The following THOC2 variants were observed in gnomAD, a reference collection of about 807,000 sequenced individuals.
THOC2 encodes the protein THO complex 2.
THOC2 carries 10 observed loss-of-function variants against 128.4 expected under a neutral mutation model. The observed-to-expected ratio is 0.08, with a 90% CI of 0.05 to 0.13. The LOEUF (loss-of-function observed/expected upper bound fraction) is 0.13, where lower values mean the gene tolerates loss of function less well. THOC2 is among the 10% of genes least tolerant of loss of function. The probability of loss-of-function intolerance (pLI) is 1.00; values close to 1 mark genes in which losing one functional copy is unlikely to be tolerated. For missense variants in THOC2, 535 were observed against 1,155.7 expected (o/e 0.46, Z 7.79); for synonymous variants, 393 against 396.9 (o/e 0.99, Z 0.12).
intron 33 of THOC2, among the ~76,000 whole-genome samples, chrX:123,615,648 A>G (rs2046862410): frequency 9.5e-6 from 1 of 105,730 alleles, no homozygotes; most frequent in African/African-American, 3.6e-5. Flanking sequence ...TAAAAGCAAA[A>G]AAAAAAATAC....
chrX:123,703,890 T>TAAAAAAAAAAA (rs774877149), intron 3 of THOC2, among the ~76,000 whole-genome samples: 2,355 of 36,798 alleles, frequency 0.064, 117 homozygotes, highest in East Asian at 0.21. Context: ...ACTCTGTCTT[T>TAAAAAAAAAAA]AAAAAAAAAA....
At chrX:123,647,840 CAAAAAAAAAAAA>C (rs60123342) in intron 12 of THOC2, among the ~76,000 whole-genome samples, 231 of 37,539 alleles carry the variant, frequency 6.2e-3, no homozygotes, top group Middle Eastern at 0.027. Context: ...GACTCTGTCT[CAAAAAAAAAAAA>C]AAAAAAAAAA....
At chrX:123,632,205 T>C (rs756714964) in intron 21 of THOC2, among the ~76,000 whole-genome samples, 53 of 111,246 alleles carry the variant, frequency 4.8e-4, no homozygotes, top group African/African-American at 1.3e-3. Context: ...TATTTATAAA[T>C]ATTAAGTACC....
At chrX:123,683,667 C>T (rs192812287) in intron 8 of THOC2, among the ~76,000 whole-genome samples, 14 of 108,375 alleles carry the variant, frequency 1.3e-4, no homozygotes, top group East Asian at 8.7e-4. Flanking sequence ...GGCATGATCT[C>T]GGCTCACCGC....
At chrX:123,639,059 T>TA (rs2047802509) in intron 16 of THOC2, 32 bp from the exon 17 acceptor site, 3 of 818,936 alleles carry the variant, frequency 3.7e-6, no homozygotes, top group Non-Finnish European at 5.3e-6. Context: ...TAGAAGGCAT[T>TA]AACTGATCAA....
chrX:123,730,484 AAC>A (rs1224999498), intron 1 of THOC2, among the ~76,000 whole-genome samples: 2 of 112,479 alleles, frequency 1.8e-5, no homozygotes, highest in African/African-American at 6.4e-5. Flanking sequence ...GGCTTCTAAT[AAC>A]AGTTTTTAAG....
At chrX:123,612,174 A>C (rs1340432467) in intron 36 of THOC2, among the ~76,000 whole-genome samples, 1 of 111,717 alleles carries the variant, frequency 9.0e-6, no homozygotes, top group Non-Finnish European at 1.9e-5. Flanking sequence ...ATTCTTGGGC[A>C]TATATCCAAG....
Position 123,632,870 on chromosome X carries a change from G to C in THOC2, c.2307C>G (p.Leu769=), listed in dbSNP as rs373608603. The part of the protein sequence containing the change: ...GEKHLKLVGK[L]YDQCHDTLVQ... Reference sequence around the variant, plus strand: ...AGCCACTTTAACTTGCCTGGTCATAGAGCTTTCCCACAAGTTTCAAATGTT... The same window carrying C: ...AGCCACTTTAACTTGCCTGGTCATACAGCTTTCCCACAAGTTTCAAATGTT... Residue 769 remains leucine, a synonymous_variant, in exon 21 of 39, where the codon CTC becomes CTG. Transcript: ENST00000245838. 42 of 1,205,540 alleles carry C rather than the reference G, an allele frequency of 3.5e-5. No homozygotes were observed. In the East Asian group the frequency reaches 3.6e-4, roughly 10 times the overall value.
intron 15 of THOC2, 71 bp downstream of exon 15, chrX:123,644,504 A>C (rs2048049595): frequency 2.9e-4 from 233 of 806,565 alleles, no homozygotes; most frequent in Middle Eastern, 4.6e-4. Flanking sequence ...GGCTCAGACA[A>C]GCTACCTGAA....
At position 123,624,574 on chromosome X, in the gene THOC2, G is replaced by A; in HGVS notation, c.3153C>T (p.Thr1051=). 1.7e-6 allele frequency: 2 copies of A among 1,209,073 alleles called. No individual in the cohort carries two copies. Among genetic ancestry groups the A allele is most frequent in the Non-Finnish European group, 2.2e-6 (2 of 893,790 alleles). ...RFLCCMLETV[T]RWHSDRATYE... ...ATGTGGCTCTATCACTATGCCACCTGGTCACAGTCTCTAACATGCAGCAAA... is the reference window on the plus strand; with the variant it reads ...ATGTGGCTCTATCACTATGCCACCTAGTCACAGTCTCTAACATGCAGCAAA... The change falls in exon 26 of 39, where the codon ACC becomes ACT. Residue 1051 remains threonine, a synonymous_variant. Coordinates refer to ENST00000245838, the MANE Select transcript of THOC2 (RefSeq NM_001081550.2).
At position 123,607,737 on chromosome X, in the gene THOC2, C is replaced by T. The variant is rs144707132; in HGVS notation, c.*18+3181G>A. Among the ~76,000 whole-genome samples the T allele has an allele frequency of 8.5e-3, 934 of 110,528 alleles. 8 individuals carry two copies. Among genetic ancestry groups the T allele is most frequent in the African/African-American group, 0.029 (866 of 30,361 alleles). On this transcript the variant is annotated intron_variant, in intron 38 of 38. Coordinates refer to ENST00000245838, the MANE Select transcript of THOC2 (RefSeq NM_001081550.2). ...AACAATAATGAAATCTTACAAGTAA[C>T]GACATCTTTCAATCATGGAAATATG...
chrX:123,603,602 G>A, intron 38 of THOC2: 2 of 660,066 alleles, frequency 3.0e-6, no homozygotes, highest in South Asian at 4.7e-5. Context: ...ATGGTGGTGT[G>A]TACTCATCTT....
chrX:123,606,595 AAAATGAAATG>A (rs763463421), intron 38 of THOC2, among the ~76,000 whole-genome samples: 66 of 111,481 alleles, frequency 5.9e-4, no homozygotes, highest in African/African-American at 2.0e-3. Context: ...CTCTGTCTCA[AAAATGAAATG>A]AAATGAAATG....
At chrX:123,651,415 T>C (rs775828263) in intron 12 of THOC2, among the ~76,000 whole-genome samples, 2 of 110,393 alleles carry the variant, frequency 1.8e-5, no homozygotes, top group Non-Finnish European at 3.8e-5. Context: ...GCAAACAAAC[T>C]CAAAATCTAG....
intron 7 of THOC2, among the ~76,000 whole-genome samples, chrX:123,693,734 G>A (rs757779738): frequency 9.0e-6 from 1 of 111,129 alleles, no homozygotes; most frequent in Non-Finnish European, 1.9e-5. Flanking sequence ...CAGGTGGAGG[G>A]GGAGGAGGTA....
At chrX:123,709,504 T>C (rs1189295323) in intron 2 of THOC2, among the ~76,000 whole-genome samples, 1 of 110,762 alleles carries the variant, frequency 9.0e-6, no homozygotes, top group Non-Finnish European at 1.9e-5. Context: ...GGCAGGAGAA[T>C]GGCATGAACC....
intron 7 of THOC2, among the ~76,000 whole-genome samples, 164 bp from the exon 8 acceptor site, chrX:123,686,878 C>T (rs964727285): frequency 4.4e-5 from 5 of 112,371 alleles, no homozygotes; most frequent in African/African-American, 1.6e-4. Context: ...AAATCCACTA[C>T]ACATTTTTAC....
At chrX:123,628,580 G>A (rs902282365) in intron 22 of THOC2, among the ~76,000 whole-genome samples, 1 of 110,396 alleles carries the variant, frequency 9.1e-6, no homozygotes, top group African/African-American at 3.3e-5. Flanking sequence ...GCGTGGTGGC[G>A]CAGGCCTGTA....
intron 1 of THOC2, among the ~76,000 whole-genome samples, chrX:123,723,366 T>C (rs1040092142): frequency 9.0e-6 from 1 of 111,225 alleles, no homozygotes. Flanking sequence ...TACACTGAAA[T>C]AGCCTGGCAA....
Sources: gnomAD v4.1 joint callset for allele counts (sites outside exome capture counted in the v4.1 genomes callset) on GRCh38, gnomAD v4.1.1 for gene constraint, MANE v1.5 for transcripts, NCBI Gene and HGNC (gene_info 2026-07-23, HGNC 2026-07-21) for gene names.